The following KCNIP4 variants were observed in gnomAD, a reference collection of about 807,000 sequenced individuals.
KCNIP4 encodes the protein Kv channel-interacting protein 4.
Under a neutral mutation model 34.0 loss-of-function variants are expected in KCNIP4, and 12 were observed. That is an observed-to-expected ratio of 0.35 (90% confidence interval 0.23 to 0.57). The LOEUF (loss-of-function observed/expected upper bound fraction) is 0.57, where lower values mean the gene tolerates loss of function less well. KCNIP4 is among the 20% of genes least tolerant of loss of function. The pLI is 0.83. For synonymous variants in KCNIP4, 124 were observed against 102.2 expected, an observed-to-expected ratio of 1.21 and a Z score of -1.29; for missense variants, 238 against 311.7, an observed-to-expected ratio of 0.76 and a Z score of 1.78.
intron 1 of KCNIP4, among the ~76,000 whole-genome samples, chr4:21,262,011 C>A (rs1761501486): frequency 6.6e-6 from 1 of 152,140 alleles, no homozygotes; most frequent in South Asian, 2.1e-4. Context: ...AATTTCTGGA[C>A]CCTGCACATT....
At chr4:21,928,132 A>G (rs912103986) in intron 1 of KCNIP4, among the ~76,000 whole-genome samples, 5 of 151,398 alleles carry the variant, frequency 3.3e-5, no homozygotes, top group Admixed American at 6.6e-5. Flanking sequence ...ATATATACAC[A>G]CACACACACA....
intron 1 of KCNIP4, among the ~76,000 whole-genome samples, chr4:21,444,866 C>T (rs1351353815): frequency 1.3e-5 from 2 of 152,174 alleles, no homozygotes; most frequent in Middle Eastern, 3.4e-3. Context: ...TGATTGTATA[C>T]CTAGAAAACC....
rs1191738745 is a variant in KCNIP4 at position 20,786,739 on chromosome 4, T to C, written c.289-27849A>G. Reference sequence around the variant, plus strand: ...GGCCACTACCAATTTCTTGCAAGTGTTTTTTTTAGACTCTGGGAATATAGT... The same window carrying C: ...GGCCACTACCAATTTCTTGCAAGTGCTTTTTTTAGACTCTGGGAATATAGT... On this transcript the variant is annotated intron_variant, in intron 3 of 8. Coordinates refer to ENST00000382152, the MANE Select transcript of KCNIP4 (RefSeq NM_025221.6). Among the ~76,000 whole-genome samples the C allele has an allele frequency of 3.3e-5, 5 of 151,814 alleles. No homozygotes were observed. In the Admixed American group the frequency reaches 3.3e-4, roughly 10 times the overall value.
At chr4:21,682,127 A>T (rs146045452) in intron 1 of KCNIP4, among the ~76,000 whole-genome samples, 3 of 152,200 alleles carry the variant, frequency 2.0e-5, no homozygotes, top group African/African-American at 7.2e-5. Context: ...CCTGACCTCA[A>T]GTGATTATGT....
intron 1 of KCNIP4, among the ~76,000 whole-genome samples, chr4:21,389,755 T>G (rs1722380711): frequency 6.6e-6 from 1 of 152,106 alleles, no homozygotes; most frequent in South Asian, 2.1e-4. Flanking sequence ...AGTGCCACAA[T>G]AAACATACGT....
chr4:21,372,454 G>A (rs1720555640), intron 1 of KCNIP4, among the ~76,000 whole-genome samples: 1 of 146,556 alleles, frequency 6.8e-6, no homozygotes, highest in Admixed American at 6.6e-5. Flanking sequence ...ATGTGTGTAT[G>A]TGTGTGTATA....
At chr4:20,875,571 T>C (rs984861786) in intron 2 of KCNIP4, among the ~76,000 whole-genome samples, 1 of 152,226 alleles carries the variant, frequency 6.6e-6, no homozygotes, top group African/African-American at 2.4e-5. Flanking sequence ...TTGCTTTCTA[T>C]TAAGAAATAC....
At chr4:20,935,854 C>T (rs1048110071) in intron 1 of KCNIP4, among the ~76,000 whole-genome samples, 1 of 151,694 alleles carries the variant, frequency 6.6e-6, no homozygotes, top group Middle Eastern at 3.5e-3. Context: ...TATACTCAAC[C>T]AGCTTCTACT....
In KCNIP4 at chr4:20,889,777, A is replaced by AC. The variant is rs544992931; in HGVS notation, c.62-7069_62-7068insG. Among the ~76,000 whole-genome samples, 15 of 151,762 alleles carry AC rather than the reference A, an allele frequency of 9.9e-5. No individual in the cohort carries two copies. In the South Asian group the frequency reaches 1.7e-3, roughly 17 times the overall value. On this transcript the variant is annotated intron_variant, in intron 1 of 8. Coordinates refer to ENST00000382152, the MANE Select transcript of KCNIP4 (RefSeq NM_025221.6). ...TAAAAACTGGAAGTTCAAAAAAAAA[A>AC]AAAAACAAAATTAAGTCAACTCCCA...
intron 1 of KCNIP4, among the ~76,000 whole-genome samples, chr4:20,891,208 G>A (rs760569113): frequency 3.9e-5 from 6 of 152,042 alleles, no homozygotes; most frequent in South Asian, 2.1e-4. Context: ...TTTGAAACAC[G>A]GACAATGTTT....
chr4:20,749,517 A>AT, intron 5 of KCNIP4, 145 bp downstream of exon 5: 1 of 524,884 alleles, frequency 1.9e-6, no homozygotes, highest in Non-Finnish European at 3.4e-6. Context: ...TTGAAAGATA[A>AT]TTTTTGGCAA....
intron 1 of KCNIP4, among the ~76,000 whole-genome samples, chr4:21,924,903 C>A (rs1394208024): frequency 2.0e-5 from 3 of 151,950 alleles, no homozygotes; most frequent in Non-Finnish European, 2.9e-5. Flanking sequence ...TCCATTGGTA[C>A]CTTCTGCTGC....
In KCNIP4 at chr4:20,793,917, A is replaced by G. The variant is rs563121214; in HGVS notation, c.289-35027T>C. ...TTGAACTGTAACTCCCACAATTCCCATGTGTTGTGGGAGGGACCCAGTGGG... is the reference window on the plus strand; with the variant it reads ...TTGAACTGTAACTCCCACAATTCCCGTGTGTTGTGGGAGGGACCCAGTGGG... On this transcript the variant is annotated intron_variant, in intron 3 of 8. Coordinates refer to ENST00000382152, the MANE Select transcript of KCNIP4 (RefSeq NM_025221.6). 1.1e-3 allele frequency among the ~76,000 whole-genome samples: 173 copies of G among 152,126 alleles called. 3 individuals carry two copies. The South Asian group carries it at 0.035, about 30-fold the overall frequency.
At chr4:21,882,546 C>T (rs968361342) in intron 1 of KCNIP4, among the ~76,000 whole-genome samples, 3 of 151,936 alleles carry the variant, frequency 2.0e-5, no homozygotes, top group Non-Finnish European at 2.9e-5. Flanking sequence ...AGTTGGGACA[C>T]GGAAACATAA....
chr4:21,840,332 C>T (rs1295749657), intron 1 of KCNIP4, among the ~76,000 whole-genome samples: 1 of 151,984 alleles, frequency 6.6e-6, no homozygotes, highest in Non-Finnish European at 1.5e-5. Flanking sequence ...AGTCTTCCAC[C>T]GTAGACGACG....
chr4:21,107,238 T>C (rs1318676863), intron 1 of KCNIP4, among the ~76,000 whole-genome samples: 2 of 145,706 alleles, frequency 1.4e-5, no homozygotes, highest in Non-Finnish European at 3.0e-5. Flanking sequence ...AGTCTAAGTC[T>C]CTTTGTAGGT....
intron 1 of KCNIP4, among the ~76,000 whole-genome samples, chr4:21,661,430 G>A (rs1748443170): frequency 6.6e-6 from 1 of 152,132 alleles, no homozygotes; most frequent in Non-Finnish European, 1.5e-5. Flanking sequence ...ACACTGCCAT[G>A]GGTCTGGAGC....
At chr4:21,767,733 G>A (rs1330492958) in intron 1 of KCNIP4, among the ~76,000 whole-genome samples, 1 of 151,876 alleles carries the variant, frequency 6.6e-6, no homozygotes, top group African/African-American at 2.4e-5. Flanking sequence ...ACACAGCGGG[G>A]ACCTAATAAG....
chr4:21,138,240 C>T (rs549190420), intron 1 of KCNIP4, among the ~76,000 whole-genome samples: 113 of 152,198 alleles, frequency 7.4e-4, no homozygotes, highest in Non-Finnish European at 1.0e-3. Flanking sequence ...AACTCTGTGC[C>T]CTAAGGATCC....
Sources: allele counts gnomAD v4.1 joint callset (sites outside exome capture counted in the v4.1 genomes callset), GRCh38; gene constraint gnomAD v4.1.1; transcripts MANE v1.5; gene names NCBI Gene and HGNC (gene_info 2026-07-23, HGNC 2026-07-21).